PRKN: variants seen among roughly 807,000 people sequenced by gnomAD.
PRKN encodes E3 ubiquitin-protein ligase parkin.
A neutral mutation model predicts 59.5 loss-of-function variants in PRKN; 56 were observed. That is an observed-to-expected ratio of 0.94 (90% CI 0.76 to 1.18). The LOEUF (loss-of-function observed/expected upper bound fraction) is 1.18, where lower values mean the gene tolerates loss of function less well. PRKN is among the 50% of genes most tolerant of loss of function. PRKN has a pLI of 0.00. For synonymous variants in PRKN, 250 were observed against 222.1 expected (o/e 1.13, Z -1.12); for missense variants, 657 against 596.4 (o/e 1.10, Z -1.06).
intron 5 of PRKN, among the ~76,000 whole-genome samples, chr6:162,037,138 C>T (rs1783879293): frequency 6.6e-6 from 1 of 152,154 alleles, no homozygotes. Flanking sequence ...ATATTTTGCC[C>T]TTTGCAACTC....
At chr6:161,433,384 G>C (rs1788738254) in intron 9 of PRKN, among the ~76,000 whole-genome samples, 1 of 142,520 alleles carries the variant, frequency 7.0e-6, no homozygotes, top group Admixed American at 6.9e-5. Context: ...TGGATTAACT[G>C]TTTACTACTA....
intron 6 of PRKN, among the ~76,000 whole-genome samples, chr6:161,827,164 A>T (rs1792280386): frequency 6.6e-6 from 1 of 152,174 alleles, no homozygotes; most frequent in Non-Finnish European, 1.5e-5. Context: ...GGGTCCTTAC[A>T]ACACCACATT....
At chr6:162,102,375 A>G (rs1042686893) in intron 4 of PRKN, among the ~76,000 whole-genome samples, 2 of 152,206 alleles carry the variant, frequency 1.3e-5, no homozygotes, top group Admixed American at 6.5e-5. Context: ...TCCTGGCTAC[A>G]TTTGCATATA....
At chr6:162,466,881 C>T (rs970792609) in intron 1 of PRKN, among the ~76,000 whole-genome samples, 20 of 151,730 alleles carry the variant, frequency 1.3e-4, no homozygotes, top group African/African-American at 2.4e-4. Context: ...ACTAAGAGCA[C>T]GTTTATGGAT....
intron 7 of PRKN, among the ~76,000 whole-genome samples, chr6:161,714,941 A>G (rs1176190276): frequency 1.3e-5 from 2 of 152,162 alleles, no homozygotes; most frequent in Non-Finnish European, 2.9e-5. Flanking sequence ...ATGCCTGCAC[A>G]TCTTTCAAAT....
intron 9 of PRKN, among the ~76,000 whole-genome samples, chr6:161,406,308 T>C (rs1351136494): frequency 6.6e-6 from 1 of 152,072 alleles, no homozygotes; most frequent in Non-Finnish European, 1.5e-5. Flanking sequence ...TTTTTCAAAG[T>C]CATGAAGTTT....
rs899118511 is a variant in PRKN, at chr6:162,262,653, C to T, written c.284G>A (p.Cys95Tyr). 6.8e-6 allele frequency: 11 copies of T among 1,613,794 alleles called. No individual in the cohort carries two copies. In the East Asian group the frequency reaches 8.9e-5, roughly 13 times the overall value. ...GDDPRNAAGGCEREPQSLTRV... is the reference protein window; with the variant it reads ...GDDPRNAAGGYEREPQSLTRV... ...AGTCAAGCTCTGGGGCTCCCGCTCA[C>T]AGCCTCCCGCCGCGTTTCTGGGGTC... The change falls in exon 3 of 12, where the codon TGT becomes TAT. Residue 95 changes from cysteine to tyrosine, a missense_variant. Transcript: ENST00000366898.
At chr6:161,732,479 T>TGTGTGTGTGTGTGTGTGTGTGTGTG (rs1261124218) in intron 7 of PRKN, among the ~76,000 whole-genome samples, 2 of 126,984 alleles carry the variant, frequency 1.6e-5, no homozygotes, top group African/African-American at 1.1e-4. Flanking sequence ...CAGAGGTTTT[T>TGTGTGTGTGTGTGTGTGTGTGTGTG]TTTTTTTGTG....
intron 6 of PRKN, among the ~76,000 whole-genome samples, chr6:161,885,794 A>T (rs1263897299): frequency 6.6e-6 from 1 of 152,216 alleles, no homozygotes; most frequent in African/African-American, 2.4e-5. Context: ...TTGAAAATAT[A>T]AACTGAAGTT....
At chr6:161,918,021 G>C (rs1019623414) in intron 6 of PRKN, among the ~76,000 whole-genome samples, 2 of 152,202 alleles carry the variant, frequency 1.3e-5, no homozygotes, top group African/African-American at 4.8e-5. Flanking sequence ...ATTTATAAGT[G>C]TGGAAACAGG....
intron 6 of PRKN, among the ~76,000 whole-genome samples, chr6:161,803,447 G>T (rs761994999): frequency 5.9e-5 from 9 of 152,152 alleles, no homozygotes; most frequent in Non-Finnish European, 1.2e-4. Flanking sequence ...GTTTGGTGAG[G>T]CCTGCCCTTC....
At chr6:162,494,291 C>T (rs1165199058) in intron 1 of PRKN, among the ~76,000 whole-genome samples, 2 of 152,156 alleles carry the variant, frequency 1.3e-5, no homozygotes, top group African/African-American at 4.8e-5. Flanking sequence ...GTGCTGTGTC[C>T]CCTGGCCTTT....
At chr6:162,604,080 C>T (rs562669970) in intron 1 of PRKN, among the ~76,000 whole-genome samples, 4 of 152,136 alleles carry the variant, frequency 2.6e-5, no homozygotes, top group Non-Finnish European at 5.9e-5. Flanking sequence ...TGTGTGAGTT[C>T]GACCTGAGGA....
At chr6:162,119,823 C>A (rs1780829418) in intron 4 of PRKN, among the ~76,000 whole-genome samples, 1 of 152,126 alleles carries the variant, frequency 6.6e-6, no homozygotes, top group Non-Finnish European at 1.5e-5. Context: ...TGACTCCAGT[C>A]TCAGGGTCCA....
chr6:161,402,844 T>C lies in PRKN; in HGVS notation c.1084-15967A>G, dbSNP rs1787108695. 6.6e-6 allele frequency among the ~76,000 whole-genome samples: 1 copy of C among 152,124 alleles called. No homozygotes were observed. Reference sequence around the variant, plus strand: ...AATCTCTCAGGTAATAAAAGTTGTCTCCGAGCAGCCCTGAGCAGAACAGGC... The same window carrying C: ...AATCTCTCAGGTAATAAAAGTTGTCCCCGAGCAGCCCTGAGCAGAACAGGC... On this transcript the variant is annotated intron_variant, in intron 9 of 11. Coordinates refer to ENST00000366898, the MANE Select transcript of PRKN (RefSeq NM_004562.3). This position sits in a 1 kb window ranked among gnomAD's most constrained non-coding sequence, Gnocchi z 4.5.
chr6:161,692,371 T>C (rs1785832027), intron 7 of PRKN, among the ~76,000 whole-genome samples: 2 of 152,374 alleles, frequency 1.3e-5, no homozygotes, highest in East Asian at 3.9e-4. Context: ...CCCATTCTAA[T>C]GACCACTGAG....
chr6:162,502,699 T>C (rs1345752476), intron 1 of PRKN, among the ~76,000 whole-genome samples: 1 of 152,050 alleles, frequency 6.6e-6, no homozygotes, highest in Non-Finnish European at 1.5e-5. Flanking sequence ...TAACACACGC[T>C]TTTCCTCAGG....
intron 2 of PRKN, among the ~76,000 whole-genome samples, chr6:162,321,466 A>C (rs1783021295): frequency 6.6e-6 from 1 of 151,956 alleles, no homozygotes; most frequent in Admixed American, 6.6e-5. Flanking sequence ...AAGAAAAAGA[A>C]GCAATTCTAC....
At chr6:161,943,951 G>GTTCAGCCTTGAGGAAGCAGCCTGAGGA (rs1779671318) in intron 6 of PRKN, among the ~76,000 whole-genome samples, 1 of 33,096 alleles carries the variant, frequency 3.0e-5, no homozygotes, top group Admixed American at 2.4e-4. Context: ...CAGCCTGAGG[G>GTTCAGCCTTGAGGAAGCAGCCTGAGGA]ATCAGCCTTG....
Sources: gnomAD v4.1 joint callset for allele counts (sites outside exome capture counted in the v4.1 genomes callset) on GRCh38, gnomAD v4.1.1 for gene constraint, Gnocchi (gnomAD v3.1) non-coding constraint, MANE v1.5 for transcripts, NCBI Gene and HGNC (gene_info 2026-07-23, HGNC 2026-07-21) for gene names.